Variants in EPHB1 observed in about 807,000 individuals in gnomAD.
EPHB1 encodes EPH receptor B1, also known as ephrin type-B receptor 1.
A neutral mutation model predicts 94.4 loss-of-function variants in EPHB1; 30 were observed. That is an observed-to-expected ratio of 0.32 (90% CI 0.24 to 0.43). EPHB1 has a LOEUF of 0.43. EPHB1 is among the 20% of genes least tolerant of loss of function. EPHB1 has a pLI of 1.00. For synonymous variants in EPHB1, 522 were observed against 489.1 expected, an observed-to-expected ratio of 1.07 and a Z score of -0.89; for missense variants, 1,055 against 1,308.3, an observed-to-expected ratio of 0.81 and a Z score of 2.99.
chr3:135,021,866 G>T (rs1367758494), intron 3 of EPHB1, among the ~76,000 whole-genome samples: 4 of 152,224 alleles, frequency 2.6e-5, no homozygotes, highest in African/African-American at 9.6e-5. Flanking sequence ...TGGAAATAAG[G>T]ATATTGTTTT....
intron 3 of EPHB1, among the ~76,000 whole-genome samples, chr3:134,986,079 A>G (rs777238470): frequency 4.6e-5 from 7 of 152,184 alleles, no homozygotes; most frequent in African/African-American, 7.2e-5. Context: ...TGCATTTCAC[A>G]TGTCTTCTTA....
At chr3:134,950,067 A>G (rs915928085) in intron 2 of EPHB1, among the ~76,000 whole-genome samples, 2 of 152,234 alleles carry the variant, frequency 1.3e-5, no homozygotes, top group African/African-American at 4.8e-5. Context: ...TCTTTTAGCC[A>G]TATAAGCATG....
chr3:135,024,481 C>A (rs1936079463), intron 3 of EPHB1, among the ~76,000 whole-genome samples: 1 of 152,124 alleles, frequency 6.6e-6, no homozygotes, highest in Non-Finnish European at 1.5e-5. Context: ...GGTTTAGAAA[C>A]ACGGATGGAC....
chr3:135,060,919 C>T (rs989572349), intron 3 of EPHB1, among the ~76,000 whole-genome samples: 3 of 151,834 alleles, frequency 2.0e-5, no homozygotes, highest in Non-Finnish European at 4.4e-5. Flanking sequence ...TACCCATTCA[C>T]CATCCCTACC....
At chr3:135,082,451 A>G (rs1938199067) in intron 3 of EPHB1, among the ~76,000 whole-genome samples, 1 of 152,220 alleles carries the variant, frequency 6.6e-6, no homozygotes, top group Non-Finnish European at 1.5e-5. Context: ...TAATTTACAG[A>G]TGAGGATCCT....
chr3:134,904,671 G>A (rs560725083), intron 1 of EPHB1, among the ~76,000 whole-genome samples: 115 of 152,230 alleles, frequency 7.6e-4, no homozygotes, highest in African/African-American at 2.7e-3. Flanking sequence ...CACACACTGA[G>A]TAGCTAGTCT....
intron 1 of EPHB1, among the ~76,000 whole-genome samples, chr3:134,916,883 G>A (rs562867800): frequency 7.3e-4 from 111 of 152,358 alleles, no homozygotes; most frequent in Non-Finnish European, 7.2e-4. Flanking sequence ...TACCAAGAGC[G>A]AGCAAGGGCT....
intron 15 of EPHB1, among the ~76,000 whole-genome samples, chr3:135,252,774 C>A (rs1217968899): frequency 1.4e-5 from 2 of 140,088 alleles, no homozygotes; most frequent in African/African-American, 5.2e-5. Flanking sequence ...AGTTCTAGAT[C>A]CCTGAGGAAT....
chr3:135,107,348 C>T (rs1939256898), intron 4 of EPHB1, among the ~76,000 whole-genome samples: 1 of 152,196 alleles, frequency 6.6e-6, no homozygotes, highest in Non-Finnish European at 1.5e-5. Flanking sequence ...GTGCATTTCT[C>T]CCAATATTCT....
chr3:134,882,948 G>A (rs769013949), intron 1 of EPHB1, among the ~76,000 whole-genome samples: 1 of 151,702 alleles, frequency 6.6e-6, no homozygotes. Flanking sequence ...TCAGCCTCCC[G>A]AATAGCTGGC....
At chr3:134,894,076 G>C (rs2038040816) in intron 1 of EPHB1, among the ~76,000 whole-genome samples, 1 of 152,164 alleles carries the variant, frequency 6.6e-6, no homozygotes, top group South Asian at 2.1e-4. Context: ...CACTTACCAA[G>C]CTGAGCCTGT....
chr3:134,880,339 G>A (rs187897370), intron 1 of EPHB1, among the ~76,000 whole-genome samples: 19 of 152,306 alleles, frequency 1.2e-4, no homozygotes, highest in Admixed American at 8.5e-4. Flanking sequence ...AAAAGCTCCT[G>A]GGTCAACAAA....
intron 3 of EPHB1, among the ~76,000 whole-genome samples, chr3:135,024,354 C>A (rs147868571): frequency 2.0e-5 from 3 of 152,286 alleles, no homozygotes; most frequent in Non-Finnish European, 4.4e-5. Context: ...GAAAACAGGG[C>A]TCTAGTGTTG....
intron 1 of EPHB1, among the ~76,000 whole-genome samples, chr3:134,918,083 T>A: frequency 6.6e-6 from 1 of 152,256 alleles, no homozygotes; most frequent in East Asian, 1.9e-4. Context: ...GACCAAGCTC[T>A]GTGGGACAGA....
At chr3:135,126,098 C>T (rs745517328) in intron 4 of EPHB1, among the ~76,000 whole-genome samples, 2 of 152,188 alleles carry the variant, frequency 1.3e-5, no homozygotes, top group Non-Finnish European at 2.9e-5. Flanking sequence ...CTCCCACCAT[C>T]CATACGCCTG....
intron 3 of EPHB1, among the ~76,000 whole-genome samples, chr3:135,007,616 A>T (rs907576897): frequency 2.0e-5 from 3 of 152,136 alleles, no homozygotes; most frequent in Non-Finnish European, 4.4e-5. Context: ...GGAAGTGCAT[A>T]TTCACCTGCA....
At chr3:134,961,857 A>T (rs1933533524) in intron 3 of EPHB1, among the ~76,000 whole-genome samples, 1 of 152,228 alleles carries the variant, frequency 6.6e-6, no homozygotes, top group African/African-American at 2.4e-5. Flanking sequence ...TGCAACAGAT[A>T]TCCTTGTGCA....
intron 12 of EPHB1, among the ~76,000 whole-genome samples, chr3:135,206,824 G>A (rs1942914046): frequency 6.6e-6 from 1 of 152,122 alleles, no homozygotes; most frequent in Non-Finnish European, 1.5e-5. Flanking sequence ...ACTCCAGCCT[G>A]GGCAACAAGA....
At chr3:135,015,711 A>G (rs1935776565) in intron 3 of EPHB1, among the ~76,000 whole-genome samples, 1 of 152,186 alleles carries the variant, frequency 6.6e-6, no homozygotes, top group South Asian at 2.1e-4. Context: ...TTTAACCTGG[A>G]TGAACTTGAA....
Sources: gnomAD v4.1 joint callset for allele counts (sites outside exome capture counted in the v4.1 genomes callset) on GRCh38, gnomAD v4.1.1 for gene constraint, MANE v1.5 for transcripts, NCBI Gene and HGNC (gene_info 2026-07-23, HGNC 2026-07-21) for gene names.